CCDC39: variants seen among roughly 807,000 people sequenced by gnomAD.
CCDC39 encodes the protein coiled-coil domain-containing protein 39.
In CCDC39, 113 loss-of-function variants were observed where a neutral mutation model predicts 121.0. That is an observed-to-expected ratio of 0.93 (90% CI 0.80 to 1.09). The LOEUF (loss-of-function observed/expected upper bound fraction) is 1.09. Ranked by LOEUF, CCDC39 falls within the 50% of genes least tolerant of loss-of-function variation. CCDC39 has a pLI of 0.00. For synonymous variants in CCDC39, 349 were observed against 352.2 expected, an observed-to-expected ratio of 0.99 and a Z score of 0.10; for missense variants, 1,063 against 1,074.7, an observed-to-expected ratio of 0.99 and a Z score of 0.15.
chr3:180,658,494 G>C (rs1233778619), intron 6 of CCDC39, among the ~76,000 whole-genome samples: 2 of 151,822 alleles, frequency 1.3e-5, no homozygotes, highest in Non-Finnish European at 1.5e-5. Context: ...GCTACTCGGA[G>C]GCTGAGGCAG....
In CCDC39 at chr3:180,659,478, C is replaced by T. The variant is rs1711684585; in HGVS notation, c.712G>A (p.Asp238Asn). ...AAAGCACAGTTATCTATGTCTCCAT[C>T]CCTCTTCTGCATCTGTTCTATTGTG... ...ENTIEQMQKRDGDIDNCALEL... is the reference protein window; with the variant it reads ...ENTIEQMQKRNGDIDNCALEL... The change falls in exon 6 of 20, where the codon GAT becomes AAT. Residue 238 changes from aspartate (D) to asparagine (N), a missense_variant. Physicochemically the swap from Asp to Asn is conservative, Grantham distance 23. Coordinates refer to ENST00000476379, the MANE Select transcript of CCDC39 (RefSeq NM_181426.2). 5 of 1,613,382 alleles carry T rather than the reference C, an allele frequency of 3.1e-6. No individual in the cohort carries two copies. Among genetic ancestry groups the T allele is most frequent in the South Asian group, 2.2e-5 (2 of 91,068 alleles).
intron 16 of CCDC39, among the ~76,000 whole-genome samples, chr3:180,618,172 A>G (rs1215752589): frequency 6.6e-6 from 1 of 152,210 alleles, no homozygotes; most frequent in East Asian, 1.9e-4. Context: ...ATGTTCACAC[A>G]GTGACAAAAT....
At chr3:180,631,809 T>G (rs1717704627) in intron 13 of CCDC39, among the ~76,000 whole-genome samples, 1 of 152,236 alleles carries the variant, frequency 6.6e-6, no homozygotes, top group Non-Finnish European at 1.5e-5. Context: ...AGATTAAATT[T>G]GTTCTCACGT....
At chr3:180,659,341 T>C in intron 6 of CCDC39, 111 bp downstream of exon 6, 2 of 1,350,432 alleles carry the variant, frequency 1.5e-6, no homozygotes, top group East Asian at 4.8e-5. Context: ...TACTGAATAT[T>C]GCTACAAAAG....
chr3:180,675,490 C>T (rs1031728258), intron 1 of CCDC39, among the ~76,000 whole-genome samples: 11 of 152,130 alleles, frequency 7.2e-5, no homozygotes, highest in African/African-American at 2.7e-4. Flanking sequence ...TTCAGTTCTG[C>T]TCTGATCTTA....
intron 14 of CCDC39, among the ~76,000 whole-genome samples, chr3:180,628,949 A>G (rs1205282750): frequency 1.3e-5 from 2 of 152,234 alleles, no homozygotes; most frequent in African/African-American, 4.8e-5. Flanking sequence ...TGAACTGACT[A>G]AATTTAAATC....
At chr3:180,622,762 C>G (rs1393860560) in intron 14 of CCDC39, among the ~76,000 whole-genome samples, 1 of 151,958 alleles carries the variant, frequency 6.6e-6, no homozygotes, top group Non-Finnish European at 1.5e-5. Flanking sequence ...GGCATAAAAC[C>G]CCCTTCATCA....
At chr3:180,677,214 A>ATATATT (rs1553807786) in intron 1 of CCDC39, among the ~76,000 whole-genome samples, 2 of 118,438 alleles carry the variant, frequency 1.7e-5, no homozygotes, top group African/African-American at 6.2e-5. Context: ...ATATATATAT[A>ATATATT]TAAAATCACA....
chr3:180,622,878 T>C (rs2108408228), intron 14 of CCDC39, among the ~76,000 whole-genome samples: 1 of 152,070 alleles, frequency 6.6e-6, no homozygotes, highest in African/African-American at 2.4e-5. Flanking sequence ...ATTTATCGTT[T>C]TCTTTTTTGT....
At chr3:180,646,203 A>G (rs1718063291) in intron 11 of CCDC39, among the ~76,000 whole-genome samples, 1 of 152,076 alleles carries the variant, frequency 6.6e-6, no homozygotes, top group Admixed American at 6.6e-5. Context: ...ATTTTTTTCC[A>G]CTAAACAAAG....
In CCDC39 at chr3:180,619,823, C is replaced by CT; in HGVS notation, c.2145dup (p.Val716SerfsTer5). 1 of 1,587,474 alleles carries CT rather than the reference C, an allele frequency of 6.3e-7. No homozygotes were observed. The highest frequency in any genetic ancestry group is 8.6e-7 in the Non-Finnish European group (1 of 1,166,380). On this transcript the variant is annotated frameshift_variant, in exon 15 of 20. Transcript: ENST00000476379. LOFTEE classifies it high-confidence loss of function. ...AACTCCTACATACTAGATGGAGTCACTTTTTTAAAAGATTGCTTATAATTG... is the reference window on the plus strand; with the variant it reads ...AACTCCTACATACTAGATGGAGTCACTTTTTTTAAAAGATTGCTTATAATTG...
intron 13 of CCDC39, 58 bp from the exon 14 acceptor site, chr3:180,631,650 C>T (rs1487708735): frequency 7.0e-7 from 1 of 1,428,660 alleles, no homozygotes; most frequent in African/African-American, 1.4e-5. Context: ...TTTTAAAGGA[C>T]TATCAAGTGT....
chr3:180,657,890 A>C (rs896406836), intron 6 of CCDC39, among the ~76,000 whole-genome samples: 22 of 152,202 alleles, frequency 1.4e-4, no homozygotes, highest in African/African-American at 5.3e-4. Flanking sequence ...ATTTTGCTTC[A>C]GCTTCTTCCT....
intron 1 of CCDC39, among the ~76,000 whole-genome samples, chr3:180,671,424 C>T (rs947123691): frequency 4.6e-5 from 7 of 152,110 alleles, no homozygotes; most frequent in Non-Finnish European, 5.9e-5. Context: ...GGAGCAGTAC[C>T]TCTGCTGCTG....
Position 180,614,842 on chromosome 3 carries a change from A to T in CCDC39, c.*79T>A, listed in dbSNP as rs1717169601. On this transcript the variant is annotated 3_prime_UTR_variant, in exon 20 of 20. Transcript: ENST00000476379. ...AAGTTTTTACACTTTCCACTAGATAAAATGTGTTGGGTCGTTTTGTATTTT... is the reference window on the plus strand; with the variant it reads ...AAGTTTTTACACTTTCCACTAGATATAATGTGTTGGGTCGTTTTGTATTTT... 1.5e-6 allele frequency: 2 copies of T among 1,334,030 alleles called. No individual in the cohort carries two copies. The highest frequency in any genetic ancestry group is 2.0e-6 in the Non-Finnish European group (2 of 977,396). 82.6% of individuals were successfully genotyped at this position (1,334,030 alleles called of 1,614,324 possible).
At chr3:180,671,358 A>C (rs1370766117) in intron 1 of CCDC39, among the ~76,000 whole-genome samples, 1 of 152,138 alleles carries the variant, frequency 6.6e-6, no homozygotes, top group African/African-American at 2.4e-5. Flanking sequence ...ATGACTGCAA[A>C]ACTGCCTCTG....
chr3:180,678,568 G>T (rs1712299730), intron 1 of CCDC39, among the ~76,000 whole-genome samples: 1 of 151,838 alleles, frequency 6.6e-6, no homozygotes, highest in African/African-American at 2.4e-5. Context: ...TGTTGTTCAA[G>T]CTTGTTTTAC....
intron 13 of CCDC39, among the ~76,000 whole-genome samples, chr3:180,632,672 A>G (rs1473134775): frequency 6.6e-6 from 1 of 152,178 alleles, no homozygotes; most frequent in African/African-American, 2.4e-5. Context: ...GAGAATCAGA[A>G]AGGTACAATA....
intron 14 of CCDC39, among the ~76,000 whole-genome samples, chr3:180,624,072 G>A (rs1717495963): frequency 6.6e-6 from 1 of 151,842 alleles, no homozygotes; most frequent in Non-Finnish European, 1.5e-5. Context: ...ATTTCAATCT[G>A]GTAATGCTTG....
Sources: allele counts gnomAD v4.1 joint callset (sites outside exome capture counted in the v4.1 genomes callset), GRCh38; gene constraint gnomAD v4.1.1; transcripts MANE v1.5; gene names NCBI Gene and HGNC (gene_info 2026-07-23, HGNC 2026-07-21).